The following STK33 variants were observed in gnomAD, a reference collection of about 807,000 sequenced individuals.
The protein encoded by STK33 is serine/threonine kinase 33, also known as serine/threonine-protein kinase 33.
Under a neutral mutation model 58.0 loss-of-function variants are expected in STK33, and 52 were observed. The ratio of observed to expected loss-of-function variants is 0.90; its 90% confidence interval spans 0.72 to 1.13. STK33 has a LOEUF of 1.13. Among genes scored for constraint, STK33 ranks in the 50% most tolerant of loss-of-function variants. The pLI is 0.00. For missense variants in STK33, 630 were observed against 604.2 expected (o/e 1.04, Z -0.45); for synonymous variants, 215 against 200.1 (o/e 1.07, Z -0.63).
intron 13 of STK33, among the ~76,000 whole-genome samples, chr11:8,435,819 CT>C (rs1943993412): frequency 6.6e-6 from 1 of 152,172 alleles, no homozygotes; most frequent in African/African-American, 2.4e-5. Context: ...CAAATTTCCT[CT>C]TTAACTTTTA....
At chr11:8,413,121 A>G (rs2135640801) in intron 15 of STK33, among the ~76,000 whole-genome samples, 1 of 152,140 alleles carries the variant, frequency 6.6e-6, no homozygotes, top group South Asian at 2.1e-4. Context: ...GTTTTGGGGG[A>G]AAAAATAGTT....
chr11:8,551,804 A>G (rs1194835386), intron 1 of STK33, among the ~76,000 whole-genome samples: 9 of 152,140 alleles, frequency 5.9e-5, no homozygotes, highest in African/African-American at 2.2e-4. Context: ...CCAGCCTTTT[A>G]GTTATTTCTA....
At chr11:8,504,956 T>C (rs890186309) in intron 1 of STK33, among the ~76,000 whole-genome samples, 1 of 152,156 alleles carries the variant, frequency 6.6e-6, no homozygotes, top group Non-Finnish European at 1.5e-5. Context: ...ATGCTGAAAA[T>C]ACTACACAAT....
chr11:8,582,338 G>C (rs1334746982), intron 1 of STK33, among the ~76,000 whole-genome samples: 4 of 152,190 alleles, frequency 2.6e-5, no homozygotes, highest in African/African-American at 7.2e-5. Context: ...TATTGTATTA[G>C]TCTGTTTTCA....
At chr11:8,575,155 T>C (rs2141221438) in intron 1 of STK33, among the ~76,000 whole-genome samples, 1 of 152,268 alleles carries the variant, frequency 6.6e-6, no homozygotes, top group East Asian at 1.9e-4. Flanking sequence ...CTGCTGGGAA[T>C]TTAAAATGGT....
chr11:8,454,925 C>G, intron 9 of STK33, 93 bp from the exon 10 acceptor site: 1 of 1,256,656 alleles, frequency 8.0e-7, no homozygotes, highest in Non-Finnish European at 1.0e-6. Flanking sequence ...AAATTAATAT[C>G]CGCTGTTGAA....
chr11:8,369,759 T>C, the STK33 span, among the ~76,000 whole-genome samples: 2 of 152,198 alleles, frequency 1.3e-5, no homozygotes, highest in African/African-American at 4.8e-5. Flanking sequence ...CCTGAAAGGC[T>C]GAGCTCCAGC....
At chr11:8,406,207 C>G (rs1939177057) in intron 15 of STK33, among the ~76,000 whole-genome samples, 1 of 150,796 alleles carries the variant, frequency 6.6e-6, no homozygotes, top group Non-Finnish European at 1.5e-5. Flanking sequence ...TTTCTAGACT[C>G]CCAATTTTGT....
At chr11:8,499,862 T>G (rs1018923847) in intron 1 of STK33, among the ~76,000 whole-genome samples, 1 of 151,322 alleles carries the variant, frequency 6.6e-6, no homozygotes, top group Non-Finnish European at 1.5e-5. Context: ...TAAGTGGGAG[T>G]TGAACAATGA....
the STK33 span, among the ~76,000 whole-genome samples, chr11:8,363,561 G>T: frequency 0.17 from 25,920 of 152,012 alleles, 2,303 homozygotes; most frequent in Middle Eastern, 0.23. Context: ...TTGTACTTGT[G>T]TTTTGCATCT....
intron 1 of STK33, among the ~76,000 whole-genome samples, chr11:8,562,123 T>A (rs554665029): frequency 1.3e-5 from 2 of 152,350 alleles, no homozygotes; most frequent in South Asian, 4.1e-4. Context: ...TTTCAAGAAT[T>A]TGTTTACTAA....
In STK33 at chr11:8,487,055, T is replaced by C. The variant is rs555544260; in HGVS notation, c.-465-6441A>G. ...TTGCTTTGTCTTAATTACACCAAAA[T>C]GGAGTTGTAAGAGGTAGTGGATATT... On this transcript the variant is annotated intron_variant, in intron 1 of 15. Coordinates refer to ENST00000687296, the MANE Select transcript of STK33 (RefSeq NM_001352389.2). 2.0e-5 allele frequency among the ~76,000 whole-genome samples: 3 copies of C among 152,130 alleles called. No individual in the cohort carries two copies. The East Asian group carries it at 5.8e-4, about 29-fold the overall frequency.
rs571423456 is a variant in STK33, at chr11:8,453,505, A to G, written c.787-599T>C. 1.9e-4 allele frequency among the ~76,000 whole-genome samples: 29 copies of G among 152,362 alleles called. 1 individual carries two copies. The highest frequency in any genetic ancestry group is 1.7e-3 in the South Asian group (8 of 4,826). ...TAAAAACTACAACAAGCATATTAAC[A>G]GGAAAAAAACCACAACAACAAGTAT... is the stretch of plus-strand genomic sequence containing the variant. On this transcript the variant is annotated intron_variant, in intron 10 of 15. Transcript: ENST00000687296.
the STK33 span, among the ~76,000 whole-genome samples, chr11:8,354,474 T>TCACACACACACACACACACACACACA: frequency 2.5e-3 from 308 of 124,738 alleles, 6 homozygotes; most frequent in East Asian, 4.2e-3. Context: ...CTGCAAAACC[T>TCACACACACACACACACACACACACA]CACACACACA....
At chr11:8,572,213 A>G (rs1957877049) in intron 1 of STK33, among the ~76,000 whole-genome samples, 1 of 152,140 alleles carries the variant, frequency 6.6e-6, no homozygotes, top group Non-Finnish European at 1.5e-5. Flanking sequence ...GAGAGGAAAG[A>G]TATCTTAATA....
intron 1 of STK33, among the ~76,000 whole-genome samples, chr11:8,539,856 A>C (rs553422010): frequency 6.6e-6 from 1 of 152,198 alleles, no homozygotes; most frequent in Non-Finnish European, 1.5e-5. Context: ...AAGCTTCTAT[A>C]GATAAATAAA....
chr11:8,566,628 C>T (rs1227298791), intron 1 of STK33, among the ~76,000 whole-genome samples: 1 of 152,202 alleles, frequency 6.6e-6, no homozygotes, highest in East Asian at 1.9e-4. Flanking sequence ...TTGTAATAGT[C>T]ATACATGCTT....
the STK33 span, among the ~76,000 whole-genome samples, chr11:8,358,396 G>A: frequency 1.1e-4 from 16 of 152,342 alleles, no homozygotes; most frequent in South Asian, 1.9e-3. Context: ...TTGGTGAGTG[G>A]GGGCGCCTTG....
chr11:8,419,951 C>G (rs1941674567), intron 14 of STK33, among the ~76,000 whole-genome samples: 1 of 152,002 alleles, frequency 6.6e-6, no homozygotes, highest in Admixed American at 6.6e-5. Context: ...TGGATAATCT[C>G]AATTATTACC....
Sources: allele counts gnomAD v4.1 joint callset (sites outside exome capture counted in the v4.1 genomes callset), GRCh38; gene constraint gnomAD v4.1.1; transcripts MANE v1.5; gene names NCBI Gene and HGNC (gene_info 2026-07-23, HGNC 2026-07-21).